The following CNTNAP4 variants were observed in gnomAD, a reference collection of about 807,000 sequenced individuals.
CNTNAP4 encodes contactin-associated protein-like 4.
CNTNAP4 carries 98 observed loss-of-function variants against 148.4 expected under a neutral mutation model. The observed-to-expected ratio is 0.66, with a 90% CI of 0.56 to 0.78. CNTNAP4 has a LOEUF of 0.78. Among genes scored for constraint, CNTNAP4 ranks in the 30% least tolerant of loss-of-function variants. CNTNAP4 has a pLI of 0.00. For synonymous variants in CNTNAP4, 730 were observed against 565.1 expected (o/e 1.29, Z -4.14); for missense variants, 1,935 against 1,565.6 (o/e 1.24, Z -3.98).
intron 3 of CNTNAP4, among the ~76,000 whole-genome samples, chr16:76,364,899 T>G (rs535972557): frequency 6.6e-6 from 1 of 152,318 alleles, no homozygotes; most frequent in South Asian, 2.1e-4. Flanking sequence ...TTTGTCTATT[T>G]TGGTTTTTGT....
At chr16:76,321,758 C>T (rs1266123850) in intron 2 of CNTNAP4, among the ~76,000 whole-genome samples, 1 of 142,300 alleles carries the variant, frequency 7.0e-6, no homozygotes, top group Non-Finnish European at 1.5e-5. Context: ...CACTGCACTC[C>T]AGCCTGGTGA....
chr16:76,419,815 T>G (rs9932660), intron 3 of CNTNAP4, among the ~76,000 whole-genome samples: 59,517 of 151,698 alleles, frequency 0.39, 11,870 homozygotes, highest in Middle Eastern at 0.48. Context: ...GTCCTATTTG[T>G]GGTTTGCAGA....
chr16:76,311,146 T>G (rs968150780), intron 1 of CNTNAP4, among the ~76,000 whole-genome samples: 4 of 152,130 alleles, frequency 2.6e-5, no homozygotes, highest in Admixed American at 6.6e-5. Context: ...TTGAATTACT[T>G]TTATTAAAAA....
chr16:76,327,912 C>T (rs1049538664), intron 2 of CNTNAP4, among the ~76,000 whole-genome samples: 1 of 130,282 alleles, frequency 7.7e-6, no homozygotes, highest in African/African-American at 3.0e-5. Context: ...CTTTGGCCTT[C>T]CGTCATTGTT....
At chr16:76,473,511 G>C (rs138703800) in intron 10 of CNTNAP4, among the ~76,000 whole-genome samples, 180 of 152,170 alleles carry the variant, frequency 1.2e-3, no homozygotes, top group African/African-American at 4.1e-3. Context: ...GGAGATGGCA[G>C]ACCTGTAATC....
intron 17 of CNTNAP4, among the ~76,000 whole-genome samples, chr16:76,525,237 A>G (rs574418220): frequency 3.9e-5 from 6 of 152,130 alleles, no homozygotes; most frequent in African/African-American, 1.4e-4. Context: ...TGAAAGACAC[A>G]TTATAATTGA....
At chr16:76,384,014 T>G (rs2016261391) in intron 3 of CNTNAP4, among the ~76,000 whole-genome samples, 1 of 152,068 alleles carries the variant, frequency 6.6e-6, no homozygotes, top group African/African-American at 2.4e-5. Context: ...TTGTTTTTTG[T>G]TTTTGTTTGT....
At chr16:76,337,001 G>A (rs1021232081) in intron 2 of CNTNAP4, among the ~76,000 whole-genome samples, 7 of 152,260 alleles carry the variant, frequency 4.6e-5, no homozygotes, top group South Asian at 2.1e-4. Flanking sequence ...CAAACTAACC[G>A]CTGTCAAGCT....
At chr16:76,453,638 T>C (rs774978914) in intron 8 of CNTNAP4, among the ~76,000 whole-genome samples, 6 of 151,962 alleles carry the variant, frequency 3.9e-5, no homozygotes, top group Non-Finnish European at 5.9e-5. Flanking sequence ...ATATTAAGTA[T>C]GACCAAAAAA....
At chr16:76,428,739 TATTA>T (rs951900836) in intron 4 of CNTNAP4, among the ~76,000 whole-genome samples, 44 of 152,060 alleles carry the variant, frequency 2.9e-4, no homozygotes, top group African/African-American at 1.0e-3. Context: ...ATTAATATAA[TATTA>T]ATAGCAATAA....
At chr16:76,530,494 T>A (rs1374088448) in intron 17 of CNTNAP4, among the ~76,000 whole-genome samples, 3 of 152,202 alleles carry the variant, frequency 2.0e-5, no homozygotes, top group Admixed American at 6.5e-5. Context: ...ATGTGATTAT[T>A]CATCAGTGAA....
chr16:76,511,608 CTATTA>C (rs1359718152), intron 15 of CNTNAP4, among the ~76,000 whole-genome samples: 1 of 152,120 alleles, frequency 6.6e-6, no homozygotes, highest in Non-Finnish European at 1.5e-5. Flanking sequence ...TGATAATTCT[CTATTA>C]TAACATTTTT....
At position 76,277,549 on chromosome 16, in the gene CNTNAP4, C is replaced by G; in HGVS notation, c.-114C>G. 1.5e-6 allele frequency: 1 copy of G among 661,100 alleles called. No homozygotes were observed. The highest frequency in any genetic ancestry group is 2.7e-6 in the Non-Finnish European group (1 of 374,290). The allele number at this position is 661,100 out of a possible 1,614,324, so 41.0% of individuals were successfully genotyped here. A position where few individuals can be genotyped will look rare whatever the true frequency, so the allele number is the denominator to read the frequency against. Reference sequence around the variant, plus strand: ...GTGAGGAGGAAGGGAGGGGGAGAGACAGAGACCTAGAGGGGCTGAAGACCC... The same window carrying G: ...GTGAGGAGGAAGGGAGGGGGAGAGAGAGAGACCTAGAGGGGCTGAAGACCC... On this transcript the variant is annotated 5_prime_UTR_variant, in exon 1 of 24. Coordinates refer to ENST00000611870, the MANE Select transcript of CNTNAP4 (RefSeq NM_033401.5).
chr16:76,425,879 G>A (rs75838323), intron 3 of CNTNAP4, among the ~76,000 whole-genome samples: 180 of 152,250 alleles, frequency 1.2e-3, no homozygotes, highest in African/African-American at 4.2e-3. Flanking sequence ...TGTTGGGGAT[G>A]GCATAGTTTA....
At chr16:76,300,944 A>G (rs1959898818) in intron 1 of CNTNAP4, among the ~76,000 whole-genome samples, 1 of 150,432 alleles carries the variant, frequency 6.6e-6, no homozygotes, top group Non-Finnish European at 1.5e-5. Flanking sequence ...TTTTTTTTAA[A>G]TTATTATTAT....
Position 76,345,570 on chromosome 16 carries a change from G to A in CNTNAP4, c.197-9748G>A, listed in dbSNP as rs1343695253. Among the ~76,000 whole-genome samples the A allele has an allele frequency of 2.6e-5, 4 of 152,092 alleles. No individual in the cohort carries two copies. The East Asian group carries it at 5.8e-4, about 22-fold the overall frequency. On this transcript the variant is annotated intron_variant, in intron 2 of 23. Coordinates refer to ENST00000611870, the MANE Select transcript of CNTNAP4 (RefSeq NM_033401.5). Reference sequence around the variant, plus strand: ...ATACACTGGAGGACATTGGGGATGCGGGGGGGATTTGGCCAATGTGATAAG... The same window carrying A: ...ATACACTGGAGGACATTGGGGATGCAGGGGGGATTTGGCCAATGTGATAAG...
intron 3 of CNTNAP4, among the ~76,000 whole-genome samples, chr16:76,374,756 A>AG: frequency 6.8e-6 from 1 of 148,042 alleles, no homozygotes; most frequent in South Asian, 2.1e-4. Flanking sequence ...TATTATTATT[A>AG]TTATTATTAT....
intron 8 of CNTNAP4, 90 bp from the exon 9 acceptor site, chr16:76,461,866 C>A: frequency 1.9e-6 from 2 of 1,050,108 alleles, no homozygotes; most frequent in Admixed American, 1.9e-5. Context: ...GTACTGTAGC[C>A]AATTGAGTGA....
At position 76,306,880 on chromosome 16, in the gene CNTNAP4, C is replaced by T. The variant is rs74024982; in HGVS notation, c.86-9533C>T. ...TCTGTTGTGAAGGGGATATTTTCAT[C>T]TGCACTTTATAGGCAGAGGTACATC... On this transcript the variant is annotated intron_variant, in intron 1 of 23. Transcript: ENST00000611870. Among the ~76,000 whole-genome samples, 586 of 152,260 alleles carry T rather than the reference C, an allele frequency of 3.8e-3. 5 individuals are homozygous for T. Among genetic ancestry groups the T allele is most frequent in the African/African-American group, 0.013 (554 of 41,566 alleles).
Sources: gnomAD v4.1 joint callset for allele counts (sites outside exome capture counted in the v4.1 genomes callset) on GRCh38, gnomAD v4.1.1 for gene constraint, MANE v1.5 for transcripts, NCBI Gene and HGNC (gene_info 2026-07-23, HGNC 2026-07-21) for gene names.